Variants in STRN observed in about 807,000 individuals in gnomAD.
STRN encodes striatin.
In STRN, 53 loss-of-function variants were observed where a neutral mutation model predicts 96.3. The ratio of observed to expected loss-of-function variants is 0.55; its 90% CI spans 0.44 to 0.69. The LOEUF (loss-of-function observed/expected upper bound fraction) is 0.69. Among genes scored for constraint, STRN ranks in the 30% least tolerant of loss-of-function variants. The probability of loss-of-function intolerance (pLI) is 0.00; values close to 1 mark genes in which losing one functional copy is unlikely to be tolerated. For missense variants in STRN, 987 were observed against 963.9 expected (o/e 1.02, Z -0.32); for synonymous variants, 428 against 355.9 (o/e 1.20, Z -2.28).
chr2:36,920,449 A>T (rs1367935930), intron 2 of STRN, among the ~76,000 whole-genome samples: 4 of 151,800 alleles, frequency 2.6e-5, no homozygotes, highest in African/African-American at 9.7e-5. Flanking sequence ...AACCAGTCTA[A>T]CCAACATGGA....
intron 5 of STRN, among the ~76,000 whole-genome samples, chr2:36,901,871 A>AT (rs1174218333): frequency 2.0e-5 from 3 of 152,186 alleles, no homozygotes; most frequent in African/African-American, 7.2e-5. Flanking sequence ...TTGCTAGAAA[A>AT]TTTATAGAGT....
intron 1 of STRN, among the ~76,000 whole-genome samples, chr2:36,941,896 C>T (rs1174477838): frequency 6.6e-6 from 1 of 152,102 alleles, no homozygotes; most frequent in African/African-American, 2.4e-5. Flanking sequence ...TATTACAAGT[C>T]TTCAAGTTGG....
At chr2:36,883,535 C>G (rs925587090) in intron 9 of STRN, among the ~76,000 whole-genome samples, 2 of 152,150 alleles carry the variant, frequency 1.3e-5, no homozygotes, top group Admixed American at 6.6e-5. Flanking sequence ...TGTGACTAGA[C>G]TTTTAGGTGA....
intron 1 of STRN, among the ~76,000 whole-genome samples, chr2:36,965,777 C>A (rs911273657): frequency 1.3e-5 from 2 of 152,244 alleles, no homozygotes; most frequent in Non-Finnish European, 2.9e-5. Context: ...CTGTTGTCTT[C>A]TTGATCACCT....
intron 7 of STRN, among the ~76,000 whole-genome samples, chr2:36,890,393 A>C (rs529129634): frequency 5.9e-5 from 9 of 152,280 alleles, no homozygotes; most frequent in African/African-American, 2.2e-4. Flanking sequence ...ACATGGTTTA[A>C]GCAAAAGTAA....
chr2:36,890,015 G>A (rs1036379112), intron 7 of STRN, among the ~76,000 whole-genome samples: 3 of 152,182 alleles, frequency 2.0e-5, no homozygotes, highest in Non-Finnish European at 4.4e-5. Context: ...GCTGTCCTCG[G>A]AGAAAAACCA....
intron 3 of STRN, among the ~76,000 whole-genome samples, chr2:36,906,691 C>T (rs779592083): frequency 6.6e-6 from 1 of 151,742 alleles, no homozygotes; most frequent in African/African-American, 2.4e-5. Context: ...CTTGGGAGGC[C>T]GAAGCGGGTG....
intron 3 of STRN, among the ~76,000 whole-genome samples, chr2:36,909,790 C>T (rs1163136242): frequency 1.3e-5 from 2 of 151,942 alleles, no homozygotes; most frequent in Admixed American, 1.3e-4. Context: ...TTAAAAGCAG[C>T]CAGAGAAAAA....
intron 6 of STRN, among the ~76,000 whole-genome samples, chr2:36,894,971 A>C (rs1669500183): frequency 6.6e-6 from 1 of 152,168 alleles, no homozygotes; most frequent in Non-Finnish European, 1.5e-5. Flanking sequence ...CACTACCAAC[A>C]GAACAAAGGT....
At chr2:36,901,639 A>C (rs1036789932) in intron 5 of STRN, among the ~76,000 whole-genome samples, 15 of 152,142 alleles carry the variant, frequency 9.9e-5, no homozygotes, top group African/African-American at 2.7e-4. Context: ...ACTAAAGATA[A>C]TGTCCACACA....
chr2:36,932,158 A>C (rs1190975144), intron 1 of STRN, among the ~76,000 whole-genome samples: 1 of 149,610 alleles, frequency 6.7e-6, no homozygotes, highest in Non-Finnish European at 1.5e-5. Flanking sequence ...TTCTACAGCT[A>C]GTTTTACTTT....
chr2:36,886,457 C>A (rs372406330), intron 8 of STRN, among the ~76,000 whole-genome samples: 10 of 152,208 alleles, frequency 6.6e-5, no homozygotes, highest in African/African-American at 2.2e-4. Flanking sequence ...GAATACATAG[C>A]CCAACACTCA....
chr2:36,905,733 CT>C (rs1207405862), intron 3 of STRN, 115 bp from the exon 4 acceptor site: 1 of 858,328 alleles, frequency 1.2e-6, no homozygotes, highest in African/African-American at 1.7e-5. Flanking sequence ...AAAACTGCAA[CT>C]GTAAGGTATG....
In STRN at chr2:36,847,353, T is replaced by A. The variant is rs1313231559; in HGVS notation, c.*2103A>T. The A allele has an allele frequency of 2.0e-5, 3 of 152,160 alleles. No homozygotes were observed. Among genetic ancestry groups the A allele is most frequent in the Non-Finnish European group, 2.9e-5 (2 of 68,022 alleles). The allele number at this position is 152,160 out of a possible 1,614,324, so 9.4% of individuals were successfully genotyped here. A position where few individuals can be genotyped will look rare whatever the true frequency, so the allele number is the denominator to read the frequency against. ...TGGTAGAACAATAGCTTTGTGGTCA[T>A]CCATCATAAATACACCAAGTAATGG... On this transcript the variant is annotated 3_prime_UTR_variant, in exon 18 of 18. Transcript: ENST00000263918.
In STRN at chr2:36,941,164, A is replaced by G. The variant is rs927925692; in HGVS notation, c.235-15956T>C. On this transcript the variant is annotated intron_variant, in intron 1 of 17. Coordinates refer to ENST00000263918, the MANE Select transcript of STRN (RefSeq NM_003162.4). ...GAGGTGAGACCCTGTCTCAAAACAAAGGAAGTAAATTAAAATGATAAAACC... is the reference window on the plus strand; with the variant it reads ...GAGGTGAGACCCTGTCTCAAAACAAGGGAAGTAAATTAAAATGATAAAACC... Among the ~76,000 whole-genome samples the G allele has an allele frequency of 2.6e-5, 4 of 152,240 alleles. 1 individual carries two copies. Among genetic ancestry groups the G allele is most frequent in the African/African-American group, 9.6e-5 (4 of 41,456 alleles).
chr2:36,849,892 C>A, intron 16 of STRN, 92 bp from the exon 17 acceptor site: 1 of 1,235,690 alleles, frequency 8.1e-7, no homozygotes, highest in Admixed American at 1.8e-5. Context: ...CTCCAGTCAT[C>A]CCTCTCTGTG....
intron 1 of STRN, among the ~76,000 whole-genome samples, chr2:36,953,458 A>G (rs1358918446): frequency 2.1e-5 from 3 of 144,610 alleles, no homozygotes; most frequent in South Asian, 2.1e-4. Context: ...GCTGGAGTGC[A>G]GTGGCACAAT....
At chr2:36,863,092 G>C (rs940041389) in intron 12 of STRN, among the ~76,000 whole-genome samples, 2 of 152,062 alleles carry the variant, frequency 1.3e-5, no homozygotes, top group African/African-American at 4.8e-5. Flanking sequence ...CAGATTCATA[G>C]TTTGCAAATA....
chr2:36,841,515 G>C lies in STRN; in HGVS notation c.*7941C>G, dbSNP rs1412501239. The C allele has an allele frequency of 6.6e-6, 1 of 151,888 alleles. No homozygotes were observed. Among genetic ancestry groups the C allele is most frequent in the Non-Finnish European group, 1.5e-5 (1 of 67,984 alleles). The allele number at this position is 151,888 out of a possible 1,614,324, so 9.4% of individuals were successfully genotyped here. On this transcript the variant is annotated 3_prime_UTR_variant, in exon 18 of 18. Coordinates refer to ENST00000263918, the MANE Select transcript of STRN (RefSeq NM_003162.4). ...ATCAAGAGGATATTCTGAAATACGT[G>C]GGCTATCGAAAAAGATGTAAGTACA... is the stretch of plus-strand genomic sequence containing the variant.
Sources: gnomAD v4.1 joint callset for allele counts (sites outside exome capture counted in the v4.1 genomes callset) on GRCh38, gnomAD v4.1.1 for gene constraint, MANE v1.5 for transcripts, NCBI Gene and HGNC (gene_info 2026-07-23, HGNC 2026-07-21) for gene names.